Variants in HMCN1 observed in about 807,000 individuals in gnomAD.
HMCN1 encodes hemicentin-1.
Under a neutral mutation model 625.9 loss-of-function variants are expected in HMCN1, and 321 were observed. The observed-to-expected ratio is 0.51, with a 90% CI of 0.47 to 0.56. The LOEUF is 0.56. HMCN1 is among the 20% of genes least tolerant of loss of function. HMCN1 has a pLI of 0.00. For missense variants in HMCN1, 6,588 were observed against 6,887.3 expected, an observed-to-expected ratio of 0.96 and a Z score of 1.54; for synonymous variants, 2,425 against 2,417.6, an observed-to-expected ratio of 1.00 and a Z score of -0.09.
chr1:185,855,514 T>C (rs1164347574), intron 2 of HMCN1, among the ~76,000 whole-genome samples: 1 of 152,226 alleles, frequency 6.6e-6, no homozygotes, highest in East Asian at 1.9e-4. Context: ...TATGAAACTT[T>C]TGATTTTTTT....
intron 11 of HMCN1, among the ~76,000 whole-genome samples, chr1:185,943,859 G>A (rs1450109553): frequency 4.6e-5 from 7 of 152,058 alleles, no homozygotes; most frequent in Admixed American, 1.3e-4. Flanking sequence ...CTAAGAACCC[G>A]CCATCCCCCA....
Position 186,171,417 on chromosome 1 carries a change from C to T in HMCN1, c.15655C>T (p.Pro5219Ser). ...AIGSFHCGCEPGYQLKGRKCM... is the reference protein window; with the variant it reads ...AIGSFHCGCESGYQLKGRKCM... The stretch of plus-strand genomic sequence containing the variant: ...AGGAAGTTTCCATTGTGGATGTGAA[C>T]CTGGGTATCAGCTCAAAGGCAGAAA... Residue 5219 changes from proline (P) to serine (S), a missense_variant, in exon 101 of 107, where the codon CCT becomes TCT. Pro to Ser is a moderately conservative substitution (Grantham distance 74). Transcript: ENST00000271588. The T allele has an allele frequency of 8.1e-6, 13 of 1,613,352 alleles. No homozygotes were observed. The highest frequency in any genetic ancestry group is 1.1e-5 in the Non-Finnish European group (13 of 1,179,452).
At chr1:185,950,722 T>G (rs1481296338) in intron 11 of HMCN1, among the ~76,000 whole-genome samples, 1 of 151,036 alleles carries the variant, frequency 6.6e-6, no homozygotes, top group African/African-American at 2.5e-5. Flanking sequence ...TCAGTCCAAG[T>G]GAAAGCGAAG....
At chr1:186,169,713 A>G (rs892305686) in intron 100 of HMCN1, among the ~76,000 whole-genome samples, 3 of 152,220 alleles carry the variant, frequency 2.0e-5, no homozygotes, top group Non-Finnish European at 4.4e-5. Flanking sequence ...CGTAAGACCT[A>G]AAACCATAAA....
intron 4 of HMCN1, among the ~76,000 whole-genome samples, chr1:185,900,080 T>C (rs971057237): frequency 6.6e-6 from 1 of 152,052 alleles, no homozygotes; most frequent in Middle Eastern, 3.2e-3. Flanking sequence ...CCTCTGTTTC[T>C]TCTTTACTTT....
At chr1:186,174,787 C>A in intron 103 of HMCN1, 145 bp downstream of exon 103, 1 of 743,374 alleles carries the variant, frequency 1.3e-6, no homozygotes, top group Non-Finnish European at 2.3e-6. Flanking sequence ...TCATTCAACA[C>A]AATTTGGATA....
chr1:186,119,345 G>A (rs745785821), intron 78 of HMCN1, 47 bp downstream of exon 78: 30 of 1,353,018 alleles, frequency 2.2e-5, no homozygotes, highest in African/African-American at 5.7e-5. Context: ...GTTTGGGGAG[G>A]TTTTTTAGTC....
chr1:185,785,534 AATTC>A (rs1557967324), intron 1 of HMCN1, among the ~76,000 whole-genome samples: 1 of 152,246 alleles, frequency 6.6e-6, no homozygotes, highest in Non-Finnish European at 1.5e-5. Flanking sequence ...CTGGAAGTCC[AATTC>A]ATAACAGACA....
intron 48 of HMCN1, among the ~76,000 whole-genome samples, chr1:186,064,018 C>T (rs1657948381): frequency 6.6e-6 from 1 of 152,104 alleles, no homozygotes; most frequent in Middle Eastern, 3.4e-3. Context: ...GTTTGTCTGC[C>T]TTATGTGAGC....
intron 1 of HMCN1, among the ~76,000 whole-genome samples, chr1:185,770,212 A>G (rs1473339909): frequency 1.3e-5 from 2 of 152,228 alleles, no homozygotes; most frequent in Admixed American, 1.3e-4. Flanking sequence ...GGGTAATGTG[A>G]AGCTTGAAAG....
intron 98 of HMCN1, 58 bp downstream of exon 98, chr1:186,165,231 C>G: frequency 7.1e-7 from 1 of 1,403,976 alleles, no homozygotes; most frequent in Non-Finnish European, 1.0e-6. Flanking sequence ...TATTGGATAG[C>G]ATTTAATGGG....
intron 29 of HMCN1, among the ~76,000 whole-genome samples, chr1:186,005,169 TTGTTTATAAA>T (rs1455487525): frequency 1.3e-5 from 2 of 149,620 alleles, no homozygotes; most frequent in Non-Finnish European, 3.0e-5. Context: ...AATTTTTTAA[TTGTTTATAAA>T]TGTTTATAAA....
intron 100 of HMCN1, among the ~76,000 whole-genome samples, chr1:186,171,055 G>A (rs992340508): frequency 6.6e-6 from 1 of 152,208 alleles, no homozygotes; most frequent in East Asian, 1.9e-4. Flanking sequence ...CGAGAAACAG[G>A]AGTGAGAGCC....
At chr1:186,046,353 C>G (rs78569644) in intron 41 of HMCN1, among the ~76,000 whole-genome samples, 1 of 152,048 alleles carries the variant, frequency 6.6e-6, no homozygotes, top group Non-Finnish European at 1.5e-5. Flanking sequence ...CCGGTAATCC[C>G]AGCTACTTGG....
At chr1:185,827,433 C>T (rs538435292) in intron 1 of HMCN1, among the ~76,000 whole-genome samples, 1 of 151,744 alleles carries the variant, frequency 6.6e-6, no homozygotes, top group East Asian at 1.9e-4. Flanking sequence ...ACAGTGGTCT[C>T]AAAGAAATGG....
chr1:185,942,122 C>T (rs373959366), intron 11 of HMCN1, among the ~76,000 whole-genome samples: 3 of 143,618 alleles, frequency 2.1e-5, no homozygotes, highest in Non-Finnish European at 3.0e-5. Flanking sequence ...ACCCGGGAGG[C>T]GGAGGTTGTA....
chr1:185,789,048 A>G (rs1177598978), intron 1 of HMCN1, among the ~76,000 whole-genome samples: 1 of 152,216 alleles, frequency 6.6e-6, no homozygotes, highest in Non-Finnish European at 1.5e-5. Flanking sequence ...ATTCCCAAAG[A>G]CTTGTACATT....
intron 57 of HMCN1, among the ~76,000 whole-genome samples, chr1:186,085,777 C>T (rs1055416635): frequency 8.5e-5 from 13 of 152,188 alleles, no homozygotes; most frequent in African/African-American, 2.9e-4. Flanking sequence ...CATTGCTCTA[C>T]CTTCCAAAGG....
chr1:186,061,565 T>G (rs1239832738), intron 46 of HMCN1, among the ~76,000 whole-genome samples: 1 of 152,196 alleles, frequency 6.6e-6, no homozygotes, highest in East Asian at 1.9e-4. Flanking sequence ...ACTTATCTTT[T>G]AAGATCATAT....
Sources: allele counts gnomAD v4.1 joint callset (sites outside exome capture counted in the v4.1 genomes callset), GRCh38; gene constraint gnomAD v4.1.1; transcripts MANE v1.5; gene names NCBI Gene and HGNC (gene_info 2026-07-23, HGNC 2026-07-21).